Variants in ADARB2 observed in about 807,000 individuals in gnomAD.
The protein encoded by ADARB2 is inactive double-stranded RNA-specific editase B2.
Under a neutral mutation model 62.2 loss-of-function variants are expected in ADARB2, and 25 were observed. The observed-to-expected ratio is 0.40, with a 90% confidence interval of 0.29 to 0.56. The LOEUF (loss-of-function observed/expected upper bound fraction) is 0.56, where lower values mean the gene tolerates loss of function less well. Among genes scored for constraint, ADARB2 ranks in the 20% least tolerant of loss-of-function variants. The probability of loss-of-function intolerance (pLI) is 0.43; values close to 1 mark genes in which losing one functional copy is unlikely to be tolerated. For missense variants in ADARB2, 1,071 were observed against 1,077.4 expected, an observed-to-expected ratio of 0.99 and a Z score of 0.08; for synonymous variants, 572 against 500.8, an observed-to-expected ratio of 1.14 and a Z score of -1.90.
chr10:1,543,187 A>G (rs1832464833), intron 1 of ADARB2, among the ~76,000 whole-genome samples: 1 of 152,228 alleles, frequency 6.6e-6, no homozygotes, highest in Non-Finnish European at 1.5e-5. Context: ...TGAGAGCCAG[A>G]AACGAAACCC....
intron 1 of ADARB2, among the ~76,000 whole-genome samples, chr10:1,591,482 G>C (rs553474809): frequency 6.6e-6 from 1 of 152,232 alleles, no homozygotes; most frequent in South Asian, 2.1e-4. Flanking sequence ...TTGGGGGCAG[G>C]GGTCTTCATG....
At chr10:1,330,985 C>T (rs192224929) in intron 3 of ADARB2, among the ~76,000 whole-genome samples, 1 of 152,098 alleles carries the variant, frequency 6.6e-6, no homozygotes, top group Non-Finnish European at 1.5e-5. Context: ...ACATATTTCT[C>T]CAAAGAAGAC....
intron 3 of ADARB2, among the ~76,000 whole-genome samples, chr10:1,303,807 T>C (rs1435002262): frequency 1.3e-5 from 2 of 151,842 alleles, no homozygotes; most frequent in Non-Finnish European, 2.9e-5. Context: ...TAAAATACTT[T>C]ACAGACAAGC....
At chr10:1,358,051 T>G (rs1832213732) in intron 3 of ADARB2, among the ~76,000 whole-genome samples, 3 of 151,954 alleles carry the variant, frequency 2.0e-5, no homozygotes, top group African/African-American at 4.8e-5. Context: ...AGAGAGGAAG[T>G]AACAGAGAGA....
chr10:1,246,783 C>G (rs187055785), intron 4 of ADARB2, among the ~76,000 whole-genome samples: 1 of 149,776 alleles, frequency 6.7e-6, no homozygotes, highest in Non-Finnish European at 1.5e-5. Flanking sequence ...ATGCCTCCAG[C>G]CTTGTTCTTT....
At chr10:1,498,656 A>C (rs1003599809) in intron 1 of ADARB2, among the ~76,000 whole-genome samples, 2 of 152,234 alleles carry the variant, frequency 1.3e-5, no homozygotes, top group Non-Finnish European at 2.9e-5. Flanking sequence ...AACATGACAC[A>C]TGCAGTAACA....
intron 1 of ADARB2, among the ~76,000 whole-genome samples, chr10:1,561,797 C>T (rs922925601): frequency 3.3e-5 from 5 of 152,160 alleles, no homozygotes; most frequent in Admixed American, 6.5e-5. Context: ...AGGATCCTCC[C>T]GATGTGGCCT....
At chr10:1,488,298 G>A (rs189710093) in intron 1 of ADARB2, among the ~76,000 whole-genome samples, 143 of 152,070 alleles carry the variant, frequency 9.4e-4, no homozygotes, top group Admixed American at 2.4e-3. Flanking sequence ...ATGACCCACA[G>A]CAAAGTGACA....
At chr10:1,316,750 T>C (rs1263493439) in intron 3 of ADARB2, among the ~76,000 whole-genome samples, 1 of 152,218 alleles carries the variant, frequency 6.6e-6, no homozygotes, top group Non-Finnish European at 1.5e-5. Context: ...TCAAAGTCTT[T>C]ATTTTGCATT....
intron 1 of ADARB2, among the ~76,000 whole-genome samples, chr10:1,587,168 G>T (rs2676194): frequency 6.6e-6 from 1 of 152,216 alleles, no homozygotes; most frequent in Non-Finnish European, 1.5e-5. Flanking sequence ...CATAGTTTGA[G>T]AGTAAAATTA....
chr10:1,352,841 ATC>A (rs779219759), intron 3 of ADARB2, among the ~76,000 whole-genome samples: 5 of 152,048 alleles, frequency 3.3e-5, no homozygotes, highest in Non-Finnish European at 7.4e-5. Flanking sequence ...TCATGACTGT[ATC>A]TCTCTGATCC....
At chr10:1,712,225 A>G (rs1029696795) in intron 1 of ADARB2, among the ~76,000 whole-genome samples, 1 of 152,190 alleles carries the variant, frequency 6.6e-6, no homozygotes, top group Non-Finnish European at 1.5e-5. Flanking sequence ...TTATGACTCA[A>G]TATTTGCTTA....
intron 6 of ADARB2, among the ~76,000 whole-genome samples, chr10:1,227,769 A>G (rs1830761737): frequency 6.6e-6 from 1 of 152,230 alleles, no homozygotes; most frequent in Non-Finnish European, 1.5e-5. Flanking sequence ...ATGAGAAAAG[A>G]AGAAAATATT....
intron 3 of ADARB2, among the ~76,000 whole-genome samples, chr10:1,276,076 C>T (rs1046791089): frequency 2.6e-5 from 4 of 151,962 alleles, no homozygotes; most frequent in African/African-American, 4.8e-5. Flanking sequence ...CCTGAGGAAT[C>T]GCCACACTGA....
chr10:1,556,646 C>T (rs773696941), intron 1 of ADARB2: 1 of 532,804 alleles, frequency 1.9e-6, no homozygotes, highest in Non-Finnish European at 3.9e-6. Context: ...TCTCACATCA[C>T]ATTGCGCTCC....
At chr10:1,267,128 A>G (rs952835281) in intron 4 of ADARB2, among the ~76,000 whole-genome samples, 1 of 150,234 alleles carries the variant, frequency 6.7e-6, no homozygotes, top group Non-Finnish European at 1.5e-5. Flanking sequence ...ATATTCTTAA[A>G]TCCAAGTTAA....
rs983057181 is a variant in ADARB2 at position 1,178,913 on chromosome 10, G to A, written c.*4280C>T. 1 of 152,174 alleles carries A rather than the reference G, an allele frequency of 6.6e-6. No homozygotes were observed. The highest frequency in any genetic ancestry group is 1.5e-5 in the Non-Finnish European group (1 of 68,032). The allele number at this position is 152,174 out of a possible 1,614,324, so 9.4% of individuals were successfully genotyped here. On this transcript the variant is annotated 3_prime_UTR_variant, in exon 10 of 10. Transcript: ENST00000381312. ...TCCAACGGTAGTACATAAAAGGAAAGCCTCTCAGCTTCCCTTTGGTCTCTG... is the reference window on the plus strand; with the variant it reads ...TCCAACGGTAGTACATAAAAGGAAAACCTCTCAGCTTCCCTTTGGTCTCTG...
intron 3 of ADARB2, among the ~76,000 whole-genome samples, chr10:1,321,400 A>G (rs1589191430): frequency 6.6e-6 from 1 of 152,152 alleles, no homozygotes; most frequent in East Asian, 1.9e-4. Flanking sequence ...TTAATTTTTT[A>G]GAGACAGGGT....
At chr10:1,345,832 T>C (rs1315017623) in intron 3 of ADARB2, among the ~76,000 whole-genome samples, 1 of 152,234 alleles carries the variant, frequency 6.6e-6, no homozygotes, top group Non-Finnish European at 1.5e-5. Flanking sequence ...CCGACACGTG[T>C]GCTTGATGGA....
Sources: allele counts gnomAD v4.1 joint callset (sites outside exome capture counted in the v4.1 genomes callset), GRCh38; gene constraint gnomAD v4.1.1; transcripts MANE v1.5; gene names NCBI Gene and HGNC (gene_info 2026-07-23, HGNC 2026-07-21).